Variants in ITFG1 observed in about 807,000 individuals in gnomAD.
ITFG1 encodes the protein T-cell immunomodulatory protein.
A neutral mutation model predicts 81.8 loss-of-function variants in ITFG1; 34 were observed. The ratio of observed to expected loss-of-function variants is 0.42; its 90% CI spans 0.32 to 0.55. The LOEUF (loss-of-function observed/expected upper bound fraction) is 0.55, where lower values mean the gene tolerates loss of function less well. Ranked by LOEUF, ITFG1 falls within the 20% of genes least tolerant of loss-of-function variation. The pLI is 0.17. For synonymous variants in ITFG1, 285 were observed against 270.6 expected (o/e 1.05, Z -0.52); for missense variants, 672 against 755.4 (o/e 0.89, Z 1.29).
In ITFG1 at chr16:47,326,945, G is replaced by C. The variant is rs1283848652; in HGVS notation, c.803-13122C>G. The stretch of plus-strand genomic sequence containing the variant: ...ATGCCATCCCCATCAAGCTACCAAT[G>C]ACTTTCTTCACAGAATTGGAAAAAA... On this transcript the variant is annotated intron_variant, in intron 8 of 17. Transcript: ENST00000320640. Among the ~76,000 whole-genome samples the C allele has an allele frequency of 7.9e-5, 12 of 152,106 alleles. No individual in the cohort carries two copies. In the East Asian group the frequency reaches 1.5e-3, roughly 20 times the overall value.
At chr16:47,240,131 A>C (rs914914790) in intron 12 of ITFG1, among the ~76,000 whole-genome samples, 1 of 144,586 alleles carries the variant, frequency 6.9e-6, no homozygotes, top group African/African-American at 2.6e-5. Context: ...GTCTACCAGA[A>C]AAAAAAAAAA....
At chr16:47,446,322 A>G (rs1969324302) in intron 5 of ITFG1, among the ~76,000 whole-genome samples, 1 of 152,232 alleles carries the variant, frequency 6.6e-6, no homozygotes, top group Non-Finnish European at 1.5e-5. Flanking sequence ...GGCTTCAATG[A>G]GAACTCAAAG....
At chr16:47,384,593 GAAGT>G (rs1425259044) in intron 6 of ITFG1, among the ~76,000 whole-genome samples, 4 of 152,174 alleles carry the variant, frequency 2.6e-5, no homozygotes, top group African/African-American at 9.7e-5. Context: ...TAAAATGCCT[GAAGT>G]AATACAGTCT....
rs900512942 is a variant in ITFG1, at chr16:47,184,638, T to C, written c.1454-21974A>G. Among the ~76,000 whole-genome samples the C allele has an allele frequency of 1.3e-4, 20 of 151,644 alleles. No individual in the cohort carries two copies. The East Asian group carries it at 1.6e-3, about 12-fold the overall frequency. Reference sequence around the variant, plus strand: ...GAGCTCCTGAAGGAAGCGCTAAACATGGAAAGGAACAACTGGTACCAGCCG... The same window carrying C: ...GAGCTCCTGAAGGAAGCGCTAAACACGGAAAGGAACAACTGGTACCAGCCG... On this transcript the variant is annotated intron_variant, in intron 14 of 17. Transcript: ENST00000320640.
At chr16:47,376,363 C>A (rs926689725) in intron 6 of ITFG1, among the ~76,000 whole-genome samples, 5 of 152,056 alleles carry the variant, frequency 3.3e-5, no homozygotes, top group African/African-American at 1.2e-4. Flanking sequence ...CAGTATTTCA[C>A]CACCCAAAAG....
At chr16:47,423,332 G>T in intron 6 of ITFG1, among the ~76,000 whole-genome samples, 1 of 133,746 alleles carries the variant, frequency 7.5e-6, no homozygotes, top group Non-Finnish European at 1.6e-5. Context: ...GTGCATCTTT[G>T]CCCATGAGAC....
intron 7 of ITFG1, among the ~76,000 whole-genome samples, chr16:47,375,131 T>A (rs1968307156): frequency 6.6e-6 from 1 of 152,188 alleles, no homozygotes; most frequent in African/African-American, 2.4e-5. Flanking sequence ...CACAAACTGT[T>A]TCATTTGATC....
intron 5 of ITFG1, among the ~76,000 whole-genome samples, chr16:47,444,658 T>G (rs1969299864): frequency 6.6e-6 from 1 of 152,200 alleles, no homozygotes; most frequent in Non-Finnish European, 1.5e-5. Flanking sequence ...ATTTTCTTGA[T>G]ATGATTTTAT....
chr16:47,283,866 G>C (rs1966860192), intron 10 of ITFG1, among the ~76,000 whole-genome samples: 1 of 152,156 alleles, frequency 6.6e-6, no homozygotes, highest in Admixed American at 6.5e-5. Context: ...CTCACAAATG[G>C]ATAAATAAAA....
At chr16:47,302,454 C>T (rs976356620) in intron 10 of ITFG1, among the ~76,000 whole-genome samples, 4 of 151,838 alleles carry the variant, frequency 2.6e-5, no homozygotes, top group African/African-American at 9.7e-5. Flanking sequence ...GAGGTGACAG[C>T]GTGCTGGCAG....
intron 12 of ITFG1, among the ~76,000 whole-genome samples, chr16:47,241,808 G>T (rs897313055): frequency 6.6e-6 from 1 of 152,126 alleles, no homozygotes; most frequent in Non-Finnish European, 1.5e-5. Context: ...ACAAAAATTA[G>T]CTGGGCGTGG....
At chr16:47,416,353 C>A (rs909222322) in intron 6 of ITFG1, among the ~76,000 whole-genome samples, 16 of 151,924 alleles carry the variant, frequency 1.1e-4, no homozygotes, top group African/African-American at 3.6e-4. Context: ...AAATTAAGAA[C>A]TAAAAATATT....
At chr16:47,444,973 A>T (rs1969304538) in intron 5 of ITFG1, among the ~76,000 whole-genome samples, 1 of 152,052 alleles carries the variant, frequency 6.6e-6, no homozygotes, top group Non-Finnish European at 1.5e-5. Flanking sequence ...TACTCACGTA[A>T]TGAAATGGCA....
chr16:47,203,276 T>C (rs1477627063), intron 14 of ITFG1, among the ~76,000 whole-genome samples: 1 of 152,172 alleles, frequency 6.6e-6, no homozygotes, highest in African/African-American at 2.4e-5. Context: ...CCAATTACAT[T>C]TGGTACCTAG....
intron 13 of ITFG1, among the ~76,000 whole-genome samples, chr16:47,232,175 A>G (rs1314586724): frequency 6.6e-6 from 1 of 152,212 alleles, no homozygotes; most frequent in African/African-American, 2.4e-5. Context: ...CAACCTCTAG[A>G]ACTGTAAGAG....
intron 14 of ITFG1, among the ~76,000 whole-genome samples, chr16:47,179,358 A>C (rs997129690): frequency 6.6e-6 from 1 of 152,236 alleles, no homozygotes; most frequent in East Asian, 1.9e-4. Context: ...TTGGATTAAG[A>C]AAATGTGGCA....
chr16:47,410,706 C>A (rs148415566), intron 6 of ITFG1, among the ~76,000 whole-genome samples: 1 of 152,128 alleles, frequency 6.6e-6, no homozygotes. Context: ...GCTCTCAACA[C>A]GAACCTCTCG....
At chr16:47,303,849 T>C (rs2151560844) in intron 10 of ITFG1, among the ~76,000 whole-genome samples, 1 of 152,192 alleles carries the variant, frequency 6.6e-6, no homozygotes, top group South Asian at 2.1e-4. Flanking sequence ...AGGCTGGTGT[T>C]GAACTTCTGG....
intron 13 of ITFG1, among the ~76,000 whole-genome samples, chr16:47,224,965 C>G (rs1965740624): frequency 6.6e-6 from 1 of 152,050 alleles, no homozygotes; most frequent in Non-Finnish European, 1.5e-5. Flanking sequence ...CACCACTGCA[C>G]TCTAGCCTGG....
Sources: allele counts gnomAD v4.1 joint callset (sites outside exome capture counted in the v4.1 genomes callset), GRCh38; gene constraint gnomAD v4.1.1; transcripts MANE v1.5; gene names NCBI Gene and HGNC (gene_info 2026-07-23, HGNC 2026-07-21).